Variants in MTERF4 observed in about 807,000 individuals in gnomAD.
MTERF4 encodes the protein transcription termination factor 4, mitochondrial.
In MTERF4, 17 loss-of-function variants were observed where a neutral mutation model predicts 22.5. The ratio of observed to expected loss-of-function variants is 0.75; its 90% CI spans 0.52 to 1.13. The LOEUF (loss-of-function observed/expected upper bound fraction) is 1.13, where lower values mean the gene tolerates loss of function less well. MTERF4 is among the 50% of genes most tolerant of loss of function. The probability of loss-of-function intolerance (pLI) is 0.00; values close to 1 mark genes in which losing one functional copy is unlikely to be tolerated. For missense variants in MTERF4, 420 were observed against 466.8 expected (o/e 0.90, Z 0.92); for synonymous variants, 165 against 175.3 (o/e 0.94, Z 0.47).
exon 5 of MTERF4, chr2:241,074,316 T>G (rs1380878385): frequency 6.6e-6 from 1 of 151,962 alleles, no homozygotes; most frequent in Non-Finnish European, 1.5e-5. Context: ...ATACAAGGTC[T>G]GGACTTGCTG....
At chr2:241,056,782 C>T in the MTERF4 span, among the ~76,000 whole-genome samples, 2 of 151,112 alleles carry the variant, frequency 1.3e-5, no homozygotes, top group Admixed American at 6.6e-5. Context: ...AGGGTTTCAC[C>T]GTGTTAGCCA....
intron 4 of MTERF4, among the ~76,000 whole-genome samples, chr2:241,076,820 A>G (rs1006919115): frequency 1.3e-5 from 2 of 152,022 alleles, no homozygotes; most frequent in African/African-American, 2.4e-5. Flanking sequence ...GGCCGGGCGC[A>G]GTGGCTCAGG....
downstream of MTERF4, chr2:241,087,508 T>C (rs1488861439): frequency 6.3e-7 from 1 of 1,577,938 alleles, no homozygotes; most frequent in Admixed American, 1.8e-5. Context: ...TGCCGTGTCC[T>C]GCATGTAGCC....
chr2:241,091,515 C>T (rs962477200), downstream of MTERF4: 1 of 152,198 alleles, frequency 6.6e-6, no homozygotes, highest in Admixed American at 6.5e-5. This position sits in a 1 kb window ranked among gnomAD's most constrained non-coding sequence, Gnocchi z 4.1. Flanking sequence ...GCTCTAAGAA[C>T]GTGGGGTCCT....
the MTERF4 span, among the ~76,000 whole-genome samples, chr2:241,062,046 T>C: frequency 2.6e-5 from 4 of 152,078 alleles, no homozygotes; most frequent in Non-Finnish European, 4.4e-5. Flanking sequence ...GAGAAGACAA[T>C]ATATATCATG....
downstream of MTERF4, among the ~76,000 whole-genome samples, chr2:241,070,485 C>G (rs2062651961): frequency 6.6e-6 from 1 of 152,246 alleles, no homozygotes; most frequent in Admixed American, 6.5e-5. Flanking sequence ...CCGAGCATCA[C>G]CTGAAAACGG....
the MTERF4 span, chr2:241,051,251 G>A: frequency 2.8e-4 from 43 of 153,954 alleles, no homozygotes; most frequent in Non-Finnish European, 2.6e-4. This position sits in a 1 kb window ranked among gnomAD's most constrained non-coding sequence, Gnocchi z 4.7. Flanking sequence ...GCACAGGCCC[G>A]GCCGTCTGAG....
chr2:241,087,982 C>T (rs758717198), downstream of MTERF4: 37 of 397,618 alleles, frequency 9.3e-5, no homozygotes, highest in East Asian at 2.4e-4. Context: ...AGTAGCCACA[C>T]GTACTTGTTT....
the MTERF4 span, among the ~76,000 whole-genome samples, chr2:241,067,098 T>C: frequency 4.6e-5 from 7 of 152,244 alleles, no homozygotes; most frequent in South Asian, 2.1e-4. Flanking sequence ...CCTCGGAAGG[T>C]ATCTGGAGTG....
chr2:241,062,690 T>C, the MTERF4 span: 1 of 784,296 alleles, frequency 1.3e-6, no homozygotes, highest in South Asian at 1.5e-5. Context: ...ACTGATGATG[T>C]ATCATCGAAT....
chr2:241,063,803 G>A, the MTERF4 span: 1 of 944,644 alleles, frequency 1.1e-6, no homozygotes, highest in Non-Finnish European at 1.6e-6. Flanking sequence ...AGGCCACCTG[G>A]GGAGAGGGAC....
chr2:241,089,233 G>C, downstream of MTERF4: 1 of 1,434,818 alleles, frequency 7.0e-7, no homozygotes, highest in African/African-American at 1.4e-5. Context: ...TGAATCTCTG[G>C]TTGGCCTAGG....
the MTERF4 span, chr2:241,063,456 A>G: frequency 1.4e-6 from 1 of 702,456 alleles, no homozygotes; most frequent in Non-Finnish European, 2.6e-6. Context: ...AAGAAAAAGC[A>G]CATGTCCTGA....
chr2:241,071,597 G>A, downstream of MTERF4: 1 of 1,588,474 alleles, frequency 6.3e-7, no homozygotes, highest in Non-Finnish European at 8.5e-7. Flanking sequence ...GGCGCTGACA[G>A]ACGCTGGCAC....
chr2:241,067,885 C>A, downstream of MTERF4: 1 of 1,613,558 alleles, frequency 6.2e-7, no homozygotes, highest in Non-Finnish European at 8.5e-7. Context: ...CCATCCGCCA[C>A]CCTGAGGCCC....
chr2:241,048,755 T>G, the MTERF4 span: 1 of 1,610,626 alleles, frequency 6.2e-7, no homozygotes, highest in East Asian at 2.2e-5. Flanking sequence ...TTTGGGCTTC[T>G]CTGTGAATTT....
At chr2:241,087,779 C>T, downstream of MTERF4, 2 of 1,043,494 alleles carry the variant, frequency 1.9e-6, no homozygotes, top group South Asian at 3.8e-5. Context: ...CGGACAGCCC[C>T]GAGTATTTAA....
chr2:241,065,469 C>T, the MTERF4 span: 79 of 1,613,008 alleles, frequency 4.9e-5, no homozygotes, highest in African/African-American at 2.4e-4. Flanking sequence ...GGACAGGACC[C>T]GCTCCTCGCA....
downstream of MTERF4, chr2:241,094,515 G>T: frequency 2.5e-6 from 1 of 396,148 alleles, no homozygotes; most frequent in Non-Finnish European, 5.2e-6. The surrounding 1 kb of genome is among the most constrained non-coding windows in gnomAD (Gnocchi z 4.3). Context: ...GTATTCCAGT[G>T]CATAGGGGAA....
Sources: gnomAD v4.1 joint callset for allele counts (sites outside exome capture counted in the v4.1 genomes callset) on GRCh38, gnomAD v4.1.1 for gene constraint, Gnocchi (gnomAD v3.1) non-coding constraint, MANE v1.5 for transcripts, NCBI Gene and HGNC (gene_info 2026-07-23, HGNC 2026-07-21) for gene names.